CEP170: variants seen among roughly 807,000 people sequenced by gnomAD.
CEP170 encodes centrosomal protein of 170 kDa.
CEP170 carries 21 observed loss-of-function variants against 151.9 expected under a neutral mutation model. That is an observed-to-expected ratio of 0.14 (90% CI 0.10 to 0.20). The LOEUF is 0.20. Ranked by LOEUF, CEP170 falls within the 10% of genes least tolerant of loss-of-function variation. The pLI is 1.00. For missense variants in CEP170, 964 were observed against 1,892.9 expected, an observed-to-expected ratio of 0.51 and a Z score of 9.11; for synonymous variants, 356 against 648.8, an observed-to-expected ratio of 0.55 and a Z score of 6.86.
chr1:243,139,807 T>C (rs2055611574), intron 16 of CEP170, 130 bp downstream of exon 16: 1 of 806,816 alleles, frequency 1.2e-6, no homozygotes, highest in South Asian at 2.4e-5. Context: ...TGTGATGTCA[T>C]GGTGAAATTT....
intron 17 of CEP170, among the ~76,000 whole-genome samples, chr1:243,131,359 G>A (rs1440451273): frequency 6.6e-6 from 1 of 152,002 alleles, no homozygotes; most frequent in Non-Finnish European, 1.5e-5. Flanking sequence ...CAGGTGTGGT[G>A]CAGATGCCTG....
rs544046768 is a variant in CEP170 at position 243,153,773 on chromosome 1, C to T, written c.3911+2448G>A. The stretch of plus-strand genomic sequence containing the variant: ...CTTTGAGATATTTGCCTTACTATAG[C>T]GGTCTGAAACCAAACCTGTACTATC... On this transcript the variant is annotated intron_variant, in intron 14 of 19. Coordinates refer to ENST00000366542, the MANE Select transcript of CEP170 (RefSeq NM_014812.3). 1.8e-4 allele frequency among the ~76,000 whole-genome samples: 27 copies of T among 152,214 alleles called. No individual in the cohort carries two copies. In the East Asian group the frequency reaches 3.1e-3, roughly 17 times the overall value.
intron 13 of CEP170, 141 bp downstream of exon 13, chr1:243,164,143 C>A: frequency 9.0e-7 from 1 of 1,116,602 alleles, no homozygotes; most frequent in Non-Finnish European, 1.2e-6. Flanking sequence ...CCCCCACCGC[C>A]GCTGCCCCGT....
chr1:243,146,227 C>A, intron 14 of CEP170, among the ~76,000 whole-genome samples: 1 of 152,100 alleles, frequency 6.6e-6, no homozygotes, highest in Non-Finnish European at 1.5e-5. Context: ...TTATTTGCCT[C>A]CCCAATGGTG....
At chr1:243,200,967 A>G in intron 4 of CEP170, 132 bp from the exon 5 acceptor site, 1 of 834,440 alleles carries the variant, frequency 1.2e-6, no homozygotes, top group East Asian at 2.9e-5. Context: ...TCCCCTGAAT[A>G]GTTAAATATT....
At chr1:243,210,874 C>T (rs1465023172) in intron 4 of CEP170, among the ~76,000 whole-genome samples, 4 of 151,890 alleles carry the variant, frequency 2.6e-5, no homozygotes, top group Admixed American at 1.3e-4. Context: ...CTGCCCACCT[C>T]AGCCTCCCGA....
Position 243,173,466 on chromosome 1 carries a change from T to C in CEP170, c.1567-620A>G, listed in dbSNP as rs564286917. On this transcript the variant is annotated intron_variant, in intron 10 of 19. Coordinates refer to ENST00000366542, the MANE Select transcript of CEP170 (RefSeq NM_014812.3). ...AAAAGATTTAATAGGTCAGGCGTGG[T>C]GGCACACACCTGTAATCCCAGCACT... 1.7e-4 allele frequency among the ~76,000 whole-genome samples: 26 copies of C among 151,822 alleles called. 1 individual carries two copies. The South Asian group carries it at 5.2e-3, about 31-fold the overall frequency.
rs1464594466 is a variant in CEP170, at chr1:243,150,901, C to T, written c.3911+5320G>A. ...ACTAGAACACATTTAATTAACTCAT[C>T]CTAGGTCACACAGACCTTGTGGTCG... On this transcript the variant is annotated intron_variant, in intron 14 of 19. Transcript: ENST00000366542. 9.2e-5 allele frequency among the ~76,000 whole-genome samples: 14 copies of T among 152,136 alleles called. No individual in the cohort carries two copies. The South Asian group carries it at 2.1e-3, about 23-fold the overall frequency.
intron 8 of CEP170, among the ~76,000 whole-genome samples, chr1:243,189,385 T>C (rs1487251034): frequency 2.0e-5 from 3 of 151,674 alleles, no homozygotes; most frequent in Non-Finnish European, 4.4e-5. Context: ...TGAAACCCCG[T>C]CTCTACTAAA....
chr1:243,219,532 T>A (rs1011141537), intron 3 of CEP170, among the ~76,000 whole-genome samples: 6 of 152,230 alleles, frequency 3.9e-5, no homozygotes, highest in Non-Finnish European at 8.8e-5. Flanking sequence ...AAATGTCATG[T>A]TTCACCTGAT....
chr1:243,153,458 C>T (rs922522085), intron 14 of CEP170, among the ~76,000 whole-genome samples: 1 of 152,284 alleles, frequency 6.6e-6, no homozygotes, highest in African/African-American at 2.4e-5. Context: ...AGTCAATCAA[C>T]GTGGCAGACT....
intron 1 of CEP170, among the ~76,000 whole-genome samples, chr1:243,236,880 C>T (rs2064305234): frequency 6.6e-6 from 1 of 152,172 alleles, no homozygotes; most frequent in South Asian, 2.1e-4. Flanking sequence ...TCACGCAGGA[C>T]AACAATTTCT....
chr1:243,150,145 G>C (rs890371544), intron 14 of CEP170, among the ~76,000 whole-genome samples: 14 of 152,072 alleles, frequency 9.2e-5, no homozygotes, highest in Non-Finnish European at 2.9e-5. Context: ...AGACTGATAG[G>C]TGTTCCGTGA....
Position 243,162,920 on chromosome 1 carries a change from C to T in CEP170, c.3676+1364G>A, listed in dbSNP as rs533910631. ...AAATATTTGGCAATAAATTTGTGAA[C>T]CACCAACCAAAGCTTCAAGTGTGGA... is the stretch of plus-strand genomic sequence containing the variant. On this transcript the variant is annotated intron_variant, in intron 13 of 19. Transcript: ENST00000366542. Among the ~76,000 whole-genome samples the T allele has an allele frequency of 2.0e-4, 30 of 152,222 alleles. No homozygotes were observed. The South Asian group carries it at 6.2e-3, about 32-fold the overall frequency.
In CEP170 at chr1:243,139,155, G is replaced by A. The variant is rs190047005; in HGVS notation, c.4230+782C>T. ...CTCACTCTGTCACCCAGGCTGGAGTGCAGTGGTGTGGGTTCAGCTCACTGC... is the reference window on the plus strand; with the variant it reads ...CTCACTCTGTCACCCAGGCTGGAGTACAGTGGTGTGGGTTCAGCTCACTGC... On this transcript the variant is annotated intron_variant, in intron 16 of 19. Transcript: ENST00000366542. Among the ~76,000 whole-genome samples, 540 of 150,690 alleles carry A rather than the reference G, an allele frequency of 3.6e-3. 1 individual carries two copies. The highest frequency in any genetic ancestry group is 0.013 in the African/African-American group (512 of 40,954).
chr1:243,140,070 C>A lies in CEP170; in HGVS notation c.4097G>T (p.Arg1366Leu), dbSNP rs745711429. 1.9e-6 allele frequency: 3 copies of A among 1,613,720 alleles called. No homozygotes were observed. The highest frequency in any genetic ancestry group is 3.3e-5 in the Admixed American group (2 of 60,004). ...GGAATGAACTAATGGAGGAATCTTT[C>A]GGAAGTTGAGGCTTTCATCAAAAAC... ...DRVFDESLNFRKIPPLVHSKT... is the reference protein window; with the variant it reads ...DRVFDESLNFLKIPPLVHSKT... Residue 1366 changes from arginine to leucine, a missense_variant, in exon 16 of 20, where the codon CGA becomes CTA. By Grantham distance (102) the Arg-to-Leu change is moderately radical. Transcript: ENST00000366542.
intron 13 of CEP170, among the ~76,000 whole-genome samples, chr1:243,162,616 C>A (rs987510736): frequency 6.6e-6 from 1 of 152,138 alleles, no homozygotes; most frequent in African/African-American, 2.4e-5. Flanking sequence ...CTTAGACTTG[C>A]TGAAGTAATC....
rs942775432 is a variant in CEP170 at position 243,252,674 on chromosome 1, T to C, written c.-42+2366A>G. On this transcript the variant is annotated intron_variant, in intron 1 of 19. Coordinates refer to ENST00000366542, the MANE Select transcript of CEP170 (RefSeq NM_014812.3). ...GGCAGATTATTTCCATACAAAATAA[T>C]CTCAGAACACAATGAAATTTACCAG... Among the ~76,000 whole-genome samples, 19 of 152,108 alleles carry C rather than the reference T, an allele frequency of 1.2e-4. 1 individual carries two copies. Among genetic ancestry groups the C allele is most frequent in the African/African-American group, 4.6e-4 (19 of 41,438 alleles).
intron 4 of CEP170, among the ~76,000 whole-genome samples, chr1:243,207,287 T>C (rs2061487574): frequency 1.3e-5 from 2 of 152,190 alleles, no homozygotes; most frequent in Non-Finnish European, 2.9e-5. Flanking sequence ...AATCTTATTA[T>C]GGATAAAGCA....
Sources: gnomAD v4.1 joint callset for allele counts (sites outside exome capture counted in the v4.1 genomes callset) on GRCh38, gnomAD v4.1.1 for gene constraint, MANE v1.5 for transcripts, NCBI Gene and HGNC (gene_info 2026-07-23, HGNC 2026-07-21) for gene names.